The following ISLR2 variants were observed in gnomAD, a reference collection of about 807,000 sequenced individuals.
ISLR2 encodes immunoglobulin superfamily containing leucine-rich repeat protein 2.
Under a neutral mutation model 25.5 loss-of-function variants are expected in ISLR2, and 16 were observed. That is an observed-to-expected ratio of 0.63 (90% confidence interval 0.43 to 0.95). The LOEUF is 0.95. Among genes scored for constraint, ISLR2 ranks in the 40% least tolerant of loss-of-function variants. ISLR2 has a pLI of 0.00. For missense variants in ISLR2, 883 were observed against 1,030.7 expected (o/e 0.86, Z 1.96); for synonymous variants, 508 against 486.6 (o/e 1.04, Z -0.58).
downstream of ISLR2, among the ~76,000 whole-genome samples, chr15:74,139,988 G>A (rs554928496): frequency 2.6e-5 from 4 of 151,780 alleles, no homozygotes; most frequent in African/African-American, 9.7e-5. Flanking sequence ...AATTTATCAG[G>A]AGCAGTAATT....
chr15:74,105,946 T>A (rs572080937), intron 2 of ISLR2, among the ~76,000 whole-genome samples: 3 of 152,150 alleles, frequency 2.0e-5, no homozygotes, highest in South Asian at 4.2e-4. Context: ...TCAGAACAAA[T>A]GGAACCAAGT....
intron 2 of ISLR2, among the ~76,000 whole-genome samples, chr15:74,109,121 TAAGTAACTGCTTC>T (rs1407501422): frequency 6.6e-6 from 1 of 152,266 alleles, no homozygotes; most frequent in Admixed American, 6.5e-5. Context: ...CTTCTCTCCC[TAAGTAACTGCTTC>T]AACAGTATTT....
chr15:74,131,737 T>C (rs2141952504), intron 2 of ISLR2, among the ~76,000 whole-genome samples: 1 of 152,192 alleles, frequency 6.6e-6, no homozygotes, highest in East Asian at 1.9e-4. Flanking sequence ...GAGAGGAAGC[T>C]CTAGTGACCG....
In ISLR2 at chr15:74,132,522, A is replaced by G. The variant is rs1173358018; in HGVS notation, c.-8-225A>G. Among the ~76,000 whole-genome samples the G allele has an allele frequency of 2.0e-5, 3 of 152,190 alleles. No individual in the cohort carries two copies. The highest frequency in any genetic ancestry group is 7.2e-5 in the African/African-American group (3 of 41,442). On this transcript the variant is annotated intron_variant, in intron 2 of 2. Coordinates refer to ENST00000453268, the MANE Select transcript of ISLR2 (RefSeq NM_020851.3). This position sits in a 1 kb window ranked among gnomAD's most constrained non-coding sequence, Gnocchi z 4.3. Reference sequence around the variant, plus strand: ...GAGTAGGAAGAGAAAAAAGGGCGATATACCGGGCCGCTGGAAAAGGAAATT... The same window carrying G: ...GAGTAGGAAGAGAAAAAAGGGCGATGTACCGGGCCGCTGGAAAAGGAAATT...
rs756312535 is a variant in ISLR2, at chr15:74,113,836, C to A, written n.228+9922C>A. ...AGAATTCAGATGTGTTTCCAGCACT[C>A]TGTGACCACTGAAATCGCTGTTTAG... On this transcript the variant is annotated intron_variant and non_coding_transcript_variant, in intron 2 of 3. Transcript: ENST00000561975. Among the ~76,000 whole-genome samples, 24 of 152,218 alleles carry A rather than the reference C, an allele frequency of 1.6e-4. 1 individual carries two copies. Among genetic ancestry groups the A allele is most frequent in the Non-Finnish European group, 3.1e-4 (21 of 68,038 alleles).
rs772834477 is a variant in ISLR2 at position 74,133,192 on chromosome 15, A to G, written c.438A>G (p.Leu146=). ...TGCCCCGGGACGCACTCGGTGCGCT[A>G]CCCGACCTGCGTTCCCTGCGCATCA... ...GSLPRDALGA[L]PDLRSLRINN... is the part of the protein sequence containing the mutation. The change falls in exon 3 of 3, where the codon CTA becomes CTG. Residue 146 remains leucine, a synonymous_variant. Coordinates refer to ENST00000453268, the MANE Select transcript of ISLR2 (RefSeq NM_020851.3). 1.2e-6 allele frequency: 2 copies of G among 1,613,030 alleles called. No individual in the cohort carries two copies. The highest frequency in any genetic ancestry group is 2.7e-5 in the African/African-American group (2 of 74,938).
upstream of ISLR2, among the ~76,000 whole-genome samples, chr15:74,123,452 C>T (rs2072268857): frequency 6.6e-6 from 1 of 152,208 alleles, no homozygotes; most frequent in African/African-American, 2.4e-5. Context: ...CACATCTAGC[C>T]CATTCCCCTA....
intron 2 of ISLR2, among the ~76,000 whole-genome samples, chr15:74,122,304 C>G (rs1567156789): frequency 6.6e-6 from 1 of 152,242 alleles, no homozygotes; most frequent in Non-Finnish European, 1.5e-5. Flanking sequence ...CATTGCATCT[C>G]CCTAAGGTGG....
chr15:74,133,357 G>A lies in ISLR2; in HGVS notation c.603G>A (p.Val201=), dbSNP rs1221910065. 1.9e-6 allele frequency: 3 copies of A among 1,608,240 alleles called. No individual in the cohort carries two copies. Among genetic ancestry groups the A allele is most frequent in the South Asian group, 1.1e-5 (1 of 91,064 alleles). The change falls in exon 3 of 3, where the codon GTG becomes GTA. Residue 201 remains valine (V), a synonymous_variant. Transcript: ENST00000453268. The part of the protein sequence containing the change: ...WLQAWAASTR[V]SLPEPDSIAC... ...AGGCCTGGGCCGCGAGCACCCGGGT[G>A]TCCTTACCCGAGCCCGACTCCATTG...
At position 74,135,025 on chromosome 15, in the gene ISLR2, C is replaced by T. The variant is rs910707426; in HGVS notation, c.*33C>T. 8 of 1,597,432 alleles carry T rather than the reference C, an allele frequency of 5.0e-6. No homozygotes were observed. The highest frequency in any genetic ancestry group is 6.8e-6 in the Non-Finnish European group (8 of 1,171,134). ...CCCGTCCGGCCCGCCCATTCCCGAC[C>T]TCCACCTAGGGTGCCTGGGAGCAGC... On this transcript the variant is annotated 3_prime_UTR_variant, in exon 3 of 3. Transcript: ENST00000453268.
Position 74,135,078 on chromosome 15 carries a change from C to T in ISLR2, c.*86C>T. On this transcript the variant is annotated 3_prime_UTR_variant, in exon 3 of 3. Transcript: ENST00000453268. The stretch of plus-strand genomic sequence containing the variant: ...TCTAGGGCTGGCAGGACTTATGTCC[C>T]CCGTCCCCAACCTTCACCTACTCCT... 2.0e-6 allele frequency: 3 copies of T among 1,494,682 alleles called. No homozygotes were observed. In the Admixed American group the frequency reaches 5.8e-5, roughly 29 times the overall value. 92.6% of individuals were successfully genotyped at this position (1,494,682 alleles called of 1,614,324 possible).
In ISLR2 at chr15:74,132,136, G is replaced by T. The variant is rs887828187; in HGVS notation, c.-8-611G>T. The T allele has an allele frequency of 2.0e-5, 3 of 153,496 alleles. No individual in the cohort carries two copies. Among genetic ancestry groups the T allele is most frequent in the African/African-American group, 7.2e-5 (3 of 41,470 alleles). The allele number at this position is 153,496 out of a possible 1,614,324, so 9.5% of individuals were successfully genotyped here. On this transcript the variant is annotated intron_variant, in intron 2 of 2. Transcript: ENST00000453268. This position sits in a 1 kb window ranked among gnomAD's most constrained non-coding sequence, Gnocchi z 4.3. ...GCTGGTTAAGAGAACAATGAGGTCT[G>T]CAGGGTCTATTGTGTCCATGTCTGG...
intron 2 of ISLR2, among the ~76,000 whole-genome samples, chr15:74,120,694 C>T (rs561605927): frequency 6.6e-6 from 1 of 152,004 alleles, no homozygotes; most frequent in South Asian, 2.1e-4. Context: ...TAAATCCCAG[C>T]TTTGCTGTGT....
In ISLR2 at chr15:74,110,938, C is replaced by T. The variant is rs567639226; in HGVS notation, n.228+7024C>T. Among the ~76,000 whole-genome samples, 4 of 151,866 alleles carry T rather than the reference C, an allele frequency of 2.6e-5. No homozygotes were observed. In the South Asian group the frequency reaches 8.3e-4, roughly 32 times the overall value. ...TGAGATCGTGCCATCGCACTCCAGC[C>T]TGGGCAACGAGAGGAAAACTTTGTT... On this transcript the variant is annotated intron_variant and non_coding_transcript_variant, in intron 2 of 3. Coordinates refer to the ISLR2 transcript ENST00000561975.
chr15:74,134,404 C>T lies in ISLR2; in HGVS notation c.1650C>T (p.Val550=). 6.2e-7 allele frequency: 1 copy of T among 1,611,212 alleles called. No individual in the cohort carries two copies. Among genetic ancestry groups the T allele is most frequent in the Non-Finnish European group, 8.5e-7 (1 of 1,179,442 alleles). ...AVQWSRVEEG[V]NAYWFRGLRP... ...AGTGGTCCCGCGTAGAGGAAGGCGT[C>T]AACGCCTACTGGTTCCGCGGCCTGC... Residue 550 remains valine, a synonymous_variant, in exon 3 of 3, where the codon GTC becomes GTT. Coordinates refer to ENST00000453268, the MANE Select transcript of ISLR2 (RefSeq NM_020851.3).
chr15:74,133,926 A>C lies in ISLR2; in HGVS notation c.1172A>C (p.Gln391Pro), dbSNP rs1455757540. ...GGCGCCGGGGGAGAACCCGACGGAC[A>C]GGCCCCGACCTCTGAGCGCAAGTCC... ...APGAGGEPDG[Q>P]APTSERKSTA... Residue 391 changes from glutamine to proline, a missense_variant, in exon 3 of 3, where the codon CAG (glutamine) becomes CCG (proline). Gln to Pro is a moderately conservative substitution (Grantham distance 76). Transcript: ENST00000453268. 4 of 1,603,842 alleles carry C rather than the reference A, an allele frequency of 2.5e-6. No homozygotes were observed. In the African/African-American group the frequency reaches 5.3e-5, roughly 21 times the overall value.
chr15:74,132,852 A>G lies in ISLR2; in HGVS notation c.98A>G (p.Gln33Arg). 6.2e-7 allele frequency: 1 copy of G among 1,614,116 alleles called. No individual in the cohort carries two copies. Among genetic ancestry groups the G allele is most frequent in the Non-Finnish European group, 8.5e-7 (1 of 1,179,946 alleles). ...GCCTGCGTGGACAAGTACGCTCACC[A>G]GTTCGCGGACTGCGCTTACAAAGAG... ...PCACVDKYAH[Q>R]FADCAYKELR... Residue 33 changes from glutamine (Q) to arginine (R), a missense_variant, in exon 3 of 3, where the codon CAG becomes CGG. By Grantham distance (43) the Gln-to-Arg change is conservative. Around this residue, in one of 2 missense-constraint regions of ISLR2, gnomAD observed 271 missense variants for 387.9 expected, o/e 0.70. Coordinates refer to ENST00000453268, the MANE Select transcript of ISLR2 (RefSeq NM_020851.3). The surrounding 1 kb of genome is among the most constrained non-coding windows in gnomAD (Gnocchi z 4.3).
At chr15:74,110,783 C>T (rs978105242) in intron 2 of ISLR2, among the ~76,000 whole-genome samples, 9 of 152,044 alleles carry the variant, frequency 5.9e-5, no homozygotes, top group Admixed American at 3.3e-4. Context: ...ATGGCGATAC[C>T]GCATCTCTAC....
intron 2 of ISLR2, among the ~76,000 whole-genome samples, chr15:74,113,146 C>T (rs1160702915): frequency 6.6e-6 from 1 of 152,220 alleles, no homozygotes; most frequent in Non-Finnish European, 1.5e-5. Context: ...AGGGTTCACG[C>T]TTCTATGAGA....
Sources: gnomAD v4.1 joint callset for allele counts (sites outside exome capture counted in the v4.1 genomes callset) on GRCh38, gnomAD v4.1.1 for gene constraint, gnomAD v4.1.1 regional missense constraint, Gnocchi (gnomAD v3.1) non-coding constraint, MANE v1.5 for transcripts, NCBI Gene and HGNC (gene_info 2026-07-23, HGNC 2026-07-21) for gene names.